Variants in MTA1 observed in about 807,000 individuals in gnomAD.
The protein encoded by MTA1 is metastasis-associated protein MTA1.
A neutral mutation model predicts 97.0 loss-of-function variants in MTA1; 15 were observed. The ratio of observed to expected loss-of-function variants is 0.15; its 90% CI spans 0.10 to 0.24. The LOEUF is 0.24. Among genes scored for constraint, MTA1 ranks in the 10% least tolerant of loss-of-function variants. The pLI is 1.00. For missense variants in MTA1, 709 were observed against 1,015.1 expected (o/e 0.70, Z 4.10); for synonymous variants, 435 against 417.5 (o/e 1.04, Z -0.51).
chr14:105,468,338 G>A, intron 18 of MTA1: 1 of 1,304,338 alleles, frequency 7.7e-7, no homozygotes, highest in Non-Finnish European at 1.0e-6. Flanking sequence ...GCTCTGGTAG[G>A]CACTTACCTG....
At chr14:105,443,601 C>T (rs1419147496) in intron 2 of MTA1, among the ~76,000 whole-genome samples, 2 of 152,194 alleles carry the variant, frequency 1.3e-5, no homozygotes, top group Non-Finnish European at 2.9e-5. Context: ...TCTTGAACTC[C>T]TGGGAGTGAG....
chr14:105,470,408 AGT>A lies in MTA1; in HGVS notation c.*194_*195del. On this transcript the variant is annotated 3_prime_UTR_variant, in exon 21 of 21. Transcript: ENST00000331320. ...CTAACTTATTCCGAGAATGCCGAGG[AGT>A]TGTCGTTTTTAGCTTTGTGTTTACT... The A allele has an allele frequency of 1.9e-6, 1 of 521,442 alleles. No homozygotes were observed. Among genetic ancestry groups the A allele is most frequent in the Non-Finnish European group, 3.2e-6 (1 of 313,458 alleles). 32.3% of individuals were successfully genotyped at this position (521,442 alleles called of 1,614,324 possible). A position where few individuals can be genotyped will look rare whatever the true frequency, so the allele number is the denominator to read the frequency against.
Position 105,432,396 on chromosome 14 carries a change from A to G in MTA1, c.29-6276A>G, listed in dbSNP as rs587594069. On this transcript the variant is annotated intron_variant, in intron 1 of 20. Transcript: ENST00000331320. ...GCTGGGATTACAGGCACATGCCACC[A>G]TGCCCGGCTAATTTTTGTATTTTTA... 2.9e-4 allele frequency among the ~76,000 whole-genome samples: 44 copies of G among 152,138 alleles called. 1 individual carries two copies. The South Asian group carries it at 8.9e-3, about 31-fold the overall frequency.
chr14:105,435,549 CT>C (rs1175278351), intron 1 of MTA1, among the ~76,000 whole-genome samples: 3 of 152,164 alleles, frequency 2.0e-5, no homozygotes, highest in Non-Finnish European at 4.4e-5. Flanking sequence ...TCTTGTGTGT[CT>C]TTGGTTTTGG....
chr14:105,456,470 G>T (rs935870414), intron 7 of MTA1, among the ~76,000 whole-genome samples: 1 of 152,184 alleles, frequency 6.6e-6, no homozygotes, highest in Non-Finnish European at 1.5e-5. Flanking sequence ...CTCTCCCCAC[G>T]CTGCCTTCCC....
Position 105,464,660 on chromosome 14 carries a change from G to A in MTA1, c.1345-14G>A, listed in dbSNP as rs1040551165. On this transcript the variant is annotated splice_polypyrimidine_tract_variant and intron_variant, in intron 14 of 20. Transcript: ENST00000331320. ...CATGGCGCTGTGTTGGGGCGGTTGC[G>A]CCCCCTTCCGCAGAGTCCCCACGGC... 29 of 1,601,698 alleles carry A rather than the reference G, an allele frequency of 1.8e-5. No homozygotes were observed. The highest frequency in any genetic ancestry group is 2.3e-5 in the Non-Finnish European group (27 of 1,172,192).
chr14:105,466,189 C>A (rs375025979), intron 16 of MTA1: 1 of 572,526 alleles, frequency 1.7e-6, no homozygotes, highest in African/African-American at 1.9e-5. Context: ...TCCCTGCTCT[C>A]TGGAAGCCCT....
At chr14:105,446,383 G>C (rs587677043) in intron 3 of MTA1, among the ~76,000 whole-genome samples, 1 of 152,334 alleles carries the variant, frequency 6.6e-6, no homozygotes, top group African/African-American at 2.4e-5. Flanking sequence ...TGAGGCATGT[G>C]ACTGCCCGGG....
Position 105,470,119 on chromosome 14 carries a change from C to G in MTA1, c.2052C>G (p.Pro684=). ...AAACCAAGCGTGCTGCCCGCCGGCC[C>G]TACAAGCCCATCGCCCTGCGCCAGA... ...SSETKRAARR[P]YKPIALRQSQ... is the part of the protein sequence containing the mutation. The change falls in exon 21 of 21, where the codon CCC becomes CCG. Residue 684 remains proline (P), a synonymous_variant. Coordinates refer to ENST00000331320, the MANE Select transcript of MTA1 (RefSeq NM_004689.4). 6.2e-7 allele frequency: 1 copy of G among 1,612,546 alleles called. No individual in the cohort carries two copies. The highest frequency in any genetic ancestry group is 1.1e-5 in the South Asian group (1 of 91,082).
At position 105,447,366 on chromosome 14, in the gene MTA1, C is replaced by G. The variant is rs587615594; in HGVS notation, c.190+1855C>G. Reference sequence around the variant, plus strand: ...GGATCCTGTCTCTGTCCTCTGGCACCTGGGGGCACAGTGTCCCTGCTCCAG... The same window carrying G: ...GGATCCTGTCTCTGTCCTCTGGCACGTGGGGGCACAGTGTCCCTGCTCCAG... On this transcript the variant is annotated intron_variant, in intron 3 of 20. Coordinates refer to ENST00000331320, the MANE Select transcript of MTA1 (RefSeq NM_004689.4). Among the ~76,000 whole-genome samples the G allele has an allele frequency of 8.5e-5, 13 of 152,306 alleles. No individual in the cohort carries two copies. The South Asian group carries it at 1.9e-3, about 22-fold the overall frequency.
At chr14:105,426,659 G>A (rs1566997675) in intron 1 of MTA1, among the ~76,000 whole-genome samples, 1 of 152,194 alleles carries the variant, frequency 6.6e-6, no homozygotes, top group South Asian at 2.1e-4. Flanking sequence ...CCTGGGGGCC[G>A]CTGTCCCCAT....
intron 18 of MTA1, chr14:105,468,134 GTC>G (rs2083674106): frequency 5.1e-6 from 2 of 395,474 alleles, no homozygotes; most frequent in African/African-American, 2.1e-5. Context: ...ACGAGGTGGG[GTC>G]TCTGTCCAGC....
At chr14:105,432,074 C>T (rs2082192831) in intron 1 of MTA1, among the ~76,000 whole-genome samples, 1 of 152,114 alleles carries the variant, frequency 6.6e-6, no homozygotes, top group African/African-American at 2.4e-5. Context: ...ATTGCCCAGG[C>T]TAGAGAGCAG....
At chr14:105,466,828 G>T in intron 18 of MTA1, 86 bp downstream of exon 18, 5 of 1,399,310 alleles carry the variant, frequency 3.6e-6, no homozygotes, top group Non-Finnish European at 4.8e-6. Context: ...GCGGCGGGCG[G>T]CCCAGGGCCC....
At chr14:105,428,722 T>C (rs1231115124) in intron 1 of MTA1, among the ~76,000 whole-genome samples, 4 of 152,000 alleles carry the variant, frequency 2.6e-5, no homozygotes, top group Non-Finnish European at 5.9e-5. Context: ...TGTTTCTTTT[T>C]TTTTTTTCTT....
At position 105,422,330 on chromosome 14, in the gene MTA1, G is replaced by T. The variant is rs900223609; in HGVS notation, c.28+2267G>T. ...CTTCCTGTCTTGGTGCTCGCTCGGG[G>T]AGGTGGGCGTCTGGATTCTTGAGCC... On this transcript the variant is annotated intron_variant, in intron 1 of 20. Transcript: ENST00000331320. This position sits in a 1 kb window ranked among gnomAD's most constrained non-coding sequence, Gnocchi z 4.3. Among the ~76,000 whole-genome samples, 3 of 152,174 alleles carry T rather than the reference G, an allele frequency of 2.0e-5. No individual in the cohort carries two copies. The highest frequency in any genetic ancestry group is 7.2e-5 in the African/African-American group (3 of 41,448).
chr14:105,446,176 C>T lies in MTA1; in HGVS notation c.190+665C>T, dbSNP rs2082712257. Among the ~76,000 whole-genome samples the T allele has an allele frequency of 4.6e-5, 7 of 152,306 alleles. No individual in the cohort carries two copies. In the South Asian group the frequency reaches 1.2e-3, roughly 27 times the overall value. ...GAGCCAGAGGCACCCCCACGCCCTC[C>T]ACATGCTACTGACACAGGGCCTGCC... On this transcript the variant is annotated intron_variant, in intron 3 of 20. Transcript: ENST00000331320.
intron 6 of MTA1, among the ~76,000 whole-genome samples, chr14:105,451,925 G>A (rs1555428828): frequency 2.0e-5 from 3 of 151,822 alleles, no homozygotes; most frequent in Non-Finnish European, 2.9e-5. Flanking sequence ...CGAGTAGCTG[G>A]GATTACAGAC....
intron 18 of MTA1, chr14:105,467,566 G>GC (rs781813545): frequency 2.0e-5 from 9 of 444,586 alleles, no homozygotes; most frequent in Non-Finnish European, 3.6e-5. Context: ...CGGGTGCCGG[G>GC]CCCCCCATCT....
Sources: allele counts gnomAD v4.1 joint callset (sites outside exome capture counted in the v4.1 genomes callset), GRCh38; gene constraint gnomAD v4.1.1; non-coding constraint Gnocchi (gnomAD v3.1); transcripts MANE v1.5; gene names NCBI Gene and HGNC (gene_info 2026-07-23, HGNC 2026-07-21).